AFF1: variants seen among roughly 807,000 people sequenced by gnomAD.
AFF1 encodes the protein AF4/FMR2 family member 1.
Under a neutral mutation model 121.7 loss-of-function variants are expected in AFF1, and 48 were observed. That is an observed-to-expected ratio of 0.39 (90% CI 0.31 to 0.50). The LOEUF (loss-of-function observed/expected upper bound fraction) is 0.50. Ranked by LOEUF, AFF1 falls within the 20% of genes least tolerant of loss-of-function variation. The pLI, the probability that AFF1 is intolerant of heterozygous loss-of-function variation, is 0.76. For synonymous variants in AFF1, 613 were observed against 563.0 expected, an observed-to-expected ratio of 1.09 and a Z score of -1.26; for missense variants, 1,523 against 1,511.7, an observed-to-expected ratio of 1.01 and a Z score of -0.12.
chr4:87,022,619 T>A (rs60824193), intron 2 of AFF1, among the ~76,000 whole-genome samples: 2 of 82,938 alleles, frequency 2.4e-5, no homozygotes, highest in Non-Finnish European at 2.6e-5. Context: ...TATATCTGTG[T>A]GTGTATATAT....
At chr4:87,116,734 G>T (rs1727162266) in intron 12 of AFF1, among the ~76,000 whole-genome samples, 1 of 152,168 alleles carries the variant, frequency 6.6e-6, no homozygotes, top group Non-Finnish European at 1.5e-5. Flanking sequence ...AGTTGAGTGG[G>T]ATGGGATCCA....
At chr4:87,046,362 A>G in intron 3 of AFF1, 76 bp downstream of exon 3, 1 of 1,531,010 alleles carries the variant, frequency 6.5e-7, no homozygotes, top group Non-Finnish European at 8.8e-7. Flanking sequence ...ATTCAGTATA[A>G]TTGAGTTCGA....
At chr4:87,047,879 T>A in intron 4 of AFF1, 1 of 459,142 alleles carries the variant, frequency 2.2e-6, no homozygotes, top group East Asian at 4.2e-5. Context: ...GTACAGTTTG[T>A]GTTTCAAAAA....
chr4:87,028,847 TTG>T (rs1728790588), intron 2 of AFF1, among the ~76,000 whole-genome samples: 1 of 152,198 alleles, frequency 6.6e-6, no homozygotes, highest in Non-Finnish European at 1.5e-5. Flanking sequence ...GACTATTGGA[TTG>T]TGTTCTTCCA....
intron 2 of AFF1, among the ~76,000 whole-genome samples, chr4:86,986,855 T>C (rs2053769): frequency 0.43 from 65,851 of 151,970 alleles, 16,777 homozygotes; most frequent in South Asian, 0.65. Flanking sequence ...GTTATTATTA[T>C]TATTTTTAAA....
chr4:87,126,311 G>C lies in AFF1; in HGVS notation c.2786G>C (p.Gly929Ala), dbSNP rs747205412. ...AAGCAGAGAAGAGTAGAGGGGAAGG[G>C]CTCCAGAAGCTCCTCGGAGCACAAG... ...IPKQRRVEGK[G>A]SRSSSEHKGS... The change falls in exon 14 of 21, where the codon GGC becomes GCC. Residue 929 changes from glycine (G) to alanine (A), a missense_variant. Coordinates refer to ENST00000395146, the MANE Select transcript of AFF1 (RefSeq NM_001166693.3). 6.2e-7 allele frequency: 1 copy of C among 1,614,124 alleles called. No individual in the cohort carries two copies. Among genetic ancestry groups the C allele is most frequent in the Non-Finnish European group, 8.5e-7 (1 of 1,180,020 alleles).
At chr4:87,116,689 A>C (rs1039997350) in intron 12 of AFF1, among the ~76,000 whole-genome samples, 1 of 152,232 alleles carries the variant, frequency 6.6e-6, no homozygotes, top group African/African-American at 2.4e-5. Context: ...CAGCAGACTA[A>C]AGGATGTGTA....
In AFF1 at chr4:86,958,082, T is replaced by TC. The variant is rs1201959145; in HGVS notation, c.38+9511_38+9512insC. ...CCTAGTCTATCTCTGAACTTTTTCT[T>TC]TTTTTTTCCTTTTTTTTTTTTTTTT... On this transcript the variant is annotated intron_variant, in intron 2 of 20. Coordinates refer to ENST00000395146, the MANE Select transcript of AFF1 (RefSeq NM_001166693.3). Among the ~76,000 whole-genome samples, 34 of 120,348 alleles carry TC rather than the reference T, an allele frequency of 2.8e-4. No homozygotes were observed. The East Asian group carries it at 8.1e-3, about 29-fold the overall frequency. The allele number at this position is 120,348 out of a possible 152,430, so 79.0% of individuals were successfully genotyped here.
chr4:86,964,022 T>G (rs185683985), intron 2 of AFF1, among the ~76,000 whole-genome samples: 61 of 150,054 alleles, frequency 4.1e-4, no homozygotes, highest in African/African-American at 1.5e-3. Flanking sequence ...CTCACCATGT[T>G]GCCCAAGCTA....
Position 87,114,627 on chromosome 4 carries a change from G to C in AFF1, c.1794G>C (p.Gln598His). The change falls in exon 12 of 21, where the codon CAG becomes CAC. Residue 598 changes from glutamine (Q) to histidine (H), a missense_variant. Around this residue, in one of 5 missense-constraint regions of AFF1, gnomAD observed 905 missense variants for 842.5 expected, o/e 1.07. Coordinates refer to ENST00000395146, the MANE Select transcript of AFF1 (RefSeq NM_001166693.3). ...GKRSCQKSPA[Q>H]QEPPQRQTVG... ...GGAGCTGTCAGAAGTCTCCGGCACA[G>C]CAGGAGCCCCCACAAAGGCAAACCG... 1 of 1,415,800 alleles carries C rather than the reference G, an allele frequency of 7.1e-7. No individual in the cohort carries two copies. Among genetic ancestry groups the C allele is most frequent in the East Asian group, 3.6e-5 (1 of 27,886 alleles). The allele number at this position is 1,415,800 out of a possible 1,614,324, so 87.7% of individuals were successfully genotyped here. A position where few individuals can be genotyped will look rare whatever the true frequency, so the allele number is the denominator to read the frequency against.
chr4:86,952,686 A>AAT (rs1721440384), intron 2 of AFF1, among the ~76,000 whole-genome samples: 2 of 132,448 alleles, frequency 1.5e-5, no homozygotes, highest in African/African-American at 5.4e-5. Flanking sequence ...CAAAAACACA[A>AAT]CTTTTTTTTT....
chr4:87,008,854 G>A (rs1396984432), intron 2 of AFF1, among the ~76,000 whole-genome samples: 1 of 152,084 alleles, frequency 6.6e-6, no homozygotes, highest in Non-Finnish European at 1.5e-5. Flanking sequence ...TTTAATAGGT[G>A]CTTGTCTATA....
rs549460766 is a variant in AFF1, at chr4:87,135,473, A to G, written c.3536-107A>G. On this transcript the variant is annotated intron_variant, in intron 20 of 20. Coordinates refer to ENST00000395146, the MANE Select transcript of AFF1 (RefSeq NM_001166693.3). ...TTTTTTTGATGTGATTAAGTGCAGAATATTGTGGGGACCTACCTTCTGGAA... is the reference window on the plus strand; with the variant it reads ...TTTTTTTGATGTGATTAAGTGCAGAGTATTGTGGGGACCTACCTTCTGGAA... 8.5e-6 allele frequency: 10 copies of G among 1,181,458 alleles called. No individual in the cohort carries two copies. The South Asian group carries it at 1.3e-4, about 15-fold the overall frequency. The allele number at this position is 1,181,458 out of a possible 1,614,324, so 73.2% of individuals were successfully genotyped here. A position where few individuals can be genotyped will look rare whatever the true frequency, so the allele number is the denominator to read the frequency against.
At chr4:87,031,251 C>G (rs1179252194) in intron 2 of AFF1, among the ~76,000 whole-genome samples, 2 of 152,184 alleles carry the variant, frequency 1.3e-5, no homozygotes, top group South Asian at 2.1e-4. Flanking sequence ...CCCCTACAAA[C>G]TTAAGTGCTG....
intron 2 of AFF1, among the ~76,000 whole-genome samples, chr4:87,006,792 C>G (rs560194789): frequency 6.6e-6 from 1 of 152,338 alleles, no homozygotes; most frequent in South Asian, 2.1e-4. Context: ...AGCCCGCAGG[C>G]GGGGCTCGGC....
chr4:86,965,727 G>A (rs1290626302), intron 2 of AFF1, among the ~76,000 whole-genome samples: 8 of 152,256 alleles, frequency 5.3e-5, no homozygotes, highest in African/African-American at 1.9e-4. Flanking sequence ...TGCAGCCCAT[G>A]GGTATTTGCA....
rs548751454 is a variant in AFF1 at position 86,960,218 on chromosome 4, G to A, written c.38+11647G>A. On this transcript the variant is annotated intron_variant, in intron 2 of 20. Coordinates refer to ENST00000395146, the MANE Select transcript of AFF1 (RefSeq NM_001166693.3). ...AAGATCTTTCTTTAAGGTTACAAGG[G>A]AGCTGCCGCTGTTACCCAGGATTTA... 7.9e-5 allele frequency among the ~76,000 whole-genome samples: 12 copies of A among 152,266 alleles called. No homozygotes were observed. In the South Asian group the frequency reaches 2.5e-3, roughly 32 times the overall value.
At chr4:86,935,988 C>T (rs1719949568) in intron 1 of AFF1, 1 of 152,146 alleles carries the variant, frequency 6.6e-6, no homozygotes, top group African/African-American at 2.4e-5. Context: ...CACACGTTAC[C>T]TTAGTGTAAT....
intron 10 of AFF1, among the ~76,000 whole-genome samples, chr4:87,106,765 C>G (rs1314136632): frequency 6.6e-6 from 1 of 152,220 alleles, no homozygotes; most frequent in East Asian, 1.9e-4. Context: ...ATTTTACTCA[C>G]TTGAGATGTG....
Sources: gnomAD v4.1 joint callset for allele counts (sites outside exome capture counted in the v4.1 genomes callset) on GRCh38, gnomAD v4.1.1 for gene constraint, gnomAD v4.1.1 regional missense constraint, MANE v1.5 for transcripts, NCBI Gene and HGNC (gene_info 2026-07-23, HGNC 2026-07-21) for gene names.